Variants in DISC1 observed in about 807,000 individuals in gnomAD.
The protein encoded by DISC1 is disrupted in schizophrenia 1 protein.
DISC1 carries 57 observed loss-of-function variants against 84.5 expected under a neutral mutation model. That is an observed-to-expected ratio of 0.67 (90% CI 0.55 to 0.84). The LOEUF (loss-of-function observed/expected upper bound fraction) is 0.84. Among genes scored for constraint, DISC1 ranks in the 40% least tolerant of loss-of-function variants. DISC1 has a pLI of 0.00. For synonymous variants in DISC1, 411 were observed against 415.2 expected, an observed-to-expected ratio of 0.99 and a Z score of 0.12; for missense variants, 1,000 against 1,057.8, an observed-to-expected ratio of 0.95 and a Z score of 0.76.
chr1:231,948,648 T>C (rs540975940), intron 9 of DISC1, among the ~76,000 whole-genome samples: 1 of 151,360 alleles, frequency 6.6e-6, no homozygotes, highest in South Asian at 2.1e-4. Flanking sequence ...GGCAGGAAAT[T>C]CCCGTGTTCT....
chr1:232,021,359 CACACACACACACACAA>C (rs1243658366), intron 11 of DISC1, among the ~76,000 whole-genome samples: 1 of 142,120 alleles, frequency 7.0e-6, no homozygotes, highest in Non-Finnish European at 1.6e-5. Context: ...CACACACACA[CACACACACACACACAA>C]CCCTCAGAAT....
At chr1:231,969,419 A>C (rs1348385863) in intron 10 of DISC1, among the ~76,000 whole-genome samples, 1 of 151,902 alleles carries the variant, frequency 6.6e-6, no homozygotes, top group African/African-American at 2.4e-5. Context: ...GACAGAGCTC[A>C]AAGTTCCCAG....
At chr1:231,936,014 C>A (rs1288128170) in intron 9 of DISC1, among the ~76,000 whole-genome samples, 3 of 152,116 alleles carry the variant, frequency 2.0e-5, no homozygotes, top group African/African-American at 7.2e-5. Flanking sequence ...CTGGCCATTC[C>A]AGGTTTAGAC....
intron 9 of DISC1, among the ~76,000 whole-genome samples, chr1:231,858,404 AC>A (rs1464918395): frequency 2.0e-5 from 3 of 152,196 alleles, no homozygotes; most frequent in Admixed American, 6.5e-5. Flanking sequence ...TGTGGATAAA[AC>A]CAGTTAATTT....
chr1:231,920,905 A>G (rs192425456), intron 9 of DISC1, among the ~76,000 whole-genome samples: 1 of 112,940 alleles, frequency 8.9e-6, no homozygotes, highest in Non-Finnish European at 1.8e-5. Flanking sequence ...CTGAACTGCT[A>G]TTTTTTTTTT....
At chr1:232,011,451 C>G in intron 11 of DISC1, among the ~76,000 whole-genome samples, 1 of 152,110 alleles carries the variant, frequency 6.6e-6, no homozygotes, top group Admixed American at 6.5e-5. Flanking sequence ...GTATCATTTC[C>G]CTGTTCCTGT....
chr1:231,792,583 C>T (rs2078432293), intron 6 of DISC1, among the ~76,000 whole-genome samples: 1 of 152,152 alleles, frequency 6.6e-6, no homozygotes, highest in Non-Finnish European at 1.5e-5. Context: ...TGGACTCTAA[C>T]GAGCCCAGCA....
At position 231,736,463 on chromosome 1, in the gene DISC1, A is replaced by G. The variant is rs1241998280; in HGVS notation, c.1118-13463A>G. 2.0e-5 allele frequency among the ~76,000 whole-genome samples: 3 copies of G among 152,238 alleles called. No homozygotes were observed. The East Asian group carries it at 5.8e-4, about 29-fold the overall frequency. ...TTCTGCATTTGTATTCTTACTCTGC[A>G]AAGTGTTGTGAAAGAATATACATAT... On this transcript the variant is annotated intron_variant, in intron 3 of 12. Coordinates refer to ENST00000439617, the MANE Select transcript of DISC1 (RefSeq NM_018662.3).
intron 9 of DISC1, among the ~76,000 whole-genome samples, chr1:231,950,821 T>C (rs1365568516): frequency 2.6e-5 from 4 of 152,200 alleles, no homozygotes; most frequent in African/African-American, 9.7e-5. Flanking sequence ...TGGTGGAGCT[T>C]CCTTACTCAT....
At chr1:231,921,208 C>T (rs2089986444) in intron 9 of DISC1, among the ~76,000 whole-genome samples, 1 of 152,138 alleles carries the variant, frequency 6.6e-6, no homozygotes, top group African/African-American at 2.4e-5. Flanking sequence ...GCCACTGCAC[C>T]CGGCCAGCTG....
At chr1:231,906,481 A>AGGGATATGGATT (rs1343084251) in intron 9 of DISC1, among the ~76,000 whole-genome samples, 44 of 152,214 alleles carry the variant, frequency 2.9e-4, no homozygotes, top group African/African-American at 8.7e-4. Context: ...TTTATGCACG[A>AGGGATATGGATT]GGGATATGGA....
At chr1:231,868,660 C>T (rs1186853143) in intron 9 of DISC1, among the ~76,000 whole-genome samples, 5 of 144,984 alleles carry the variant, frequency 3.4e-5, no homozygotes, top group African/African-American at 1.3e-4. Context: ...GAGTTCAAGA[C>T]CAGGCTGGGC....
chr1:231,680,775 T>C (rs1410219365), intron 1 of DISC1, among the ~76,000 whole-genome samples: 1 of 152,220 alleles, frequency 6.6e-6, no homozygotes, highest in Non-Finnish European at 1.5e-5. Context: ...TTTGGGATCA[T>C]TTTAAAAATA....
chr1:231,638,904 G>A (rs1482686368), intron 1 of DISC1, among the ~76,000 whole-genome samples: 1 of 152,122 alleles, frequency 6.6e-6, no homozygotes, highest in Admixed American at 6.5e-5. Flanking sequence ...CCACTGTTTT[G>A]GGTATGTCTT....
intron 6 of DISC1, among the ~76,000 whole-genome samples, chr1:231,772,355 A>G (rs570536989): frequency 2.6e-5 from 4 of 152,212 alleles, no homozygotes; most frequent in Non-Finnish European, 5.9e-5. Context: ...GAATGGGTAG[A>G]TGAGCAGTAA....
intron 8 of DISC1, 80 bp from the exon 9 acceptor site, chr1:231,818,249 A>G: frequency 2.8e-6 from 4 of 1,411,924 alleles, no homozygotes; most frequent in South Asian, 2.3e-5. Context: ...GTGAATGTAC[A>G]TTAGCTGCTG....
At position 232,036,771 on chromosome 1, in the gene DISC1, G is replaced by T; in HGVS notation, c.2505G>T (p.Ala835=). 6.2e-7 allele frequency: 1 copy of T among 1,605,850 alleles called. No homozygotes were observed. Among genetic ancestry groups the T allele is most frequent in the East Asian group, 2.2e-5 (1 of 44,640 alleles). The change falls in exon 13 of 13, where the codon GCG becomes GCT. Residue 835 remains alanine (A), a synonymous_variant. Transcript: ENST00000439617. The part of the protein sequence containing the change: ...MILQLQPAKE[A]GEREAAASCM... ...TGCAGCTCCAGCCAGCAAAGGAGGC[G>T]GGAGAAAGAGAAGCTGCAGCTTCCT...
intron 9 of DISC1, among the ~76,000 whole-genome samples, chr1:231,905,765 G>A (rs2088584510): frequency 6.6e-6 from 1 of 152,030 alleles, no homozygotes; most frequent in Non-Finnish European, 1.5e-5. Flanking sequence ...AGGACATTTG[G>A]CAACATTTCA....
At chr1:231,672,299 T>C (rs1207393682) in intron 1 of DISC1, among the ~76,000 whole-genome samples, 1 of 152,204 alleles carries the variant, frequency 6.6e-6, no homozygotes, top group Admixed American at 6.5e-5. Context: ...GTTGGGGACA[T>C]GAACTCATTT....
Sources: gnomAD v4.1 joint callset for allele counts (sites outside exome capture counted in the v4.1 genomes callset) on GRCh38, gnomAD v4.1.1 for gene constraint, MANE v1.5 for transcripts, NCBI Gene and HGNC (gene_info 2026-07-23, HGNC 2026-07-21) for gene names.